Variants in KIAA1217 observed in about 807,000 individuals in gnomAD.
KIAA1217 encodes the protein KIAA1217.
Under a neutral mutation model 163.9 loss-of-function variants are expected in KIAA1217, and 88 were observed. That is an observed-to-expected ratio of 0.54 (90% CI 0.45 to 0.64). The LOEUF is 0.64. KIAA1217 is among the 30% of genes least tolerant of loss of function. KIAA1217 has a pLI of 0.00. For missense variants in KIAA1217, 2,372 were observed against 2,475.0 expected (o/e 0.96, Z 0.88); for synonymous variants, 903 against 923.1 (o/e 0.98, Z 0.39).
intron 2 of KIAA1217, among the ~76,000 whole-genome samples, chr10:24,021,769 A>C (rs1387549143): frequency 1.3e-5 from 2 of 151,866 alleles, no homozygotes; most frequent in Non-Finnish European, 2.9e-5. Context: ...AGACAGTGGA[A>C]CAGAATGAAC....
chr10:24,408,558 G>T (rs911142709), intron 3 of KIAA1217, among the ~76,000 whole-genome samples: 9 of 152,074 alleles, frequency 5.9e-5, no homozygotes, highest in Non-Finnish European at 7.4e-5. Flanking sequence ...ACAAGCCTTG[G>T]CTCATCCCCT....
chr10:23,902,746 G>A (rs1842007288), intron 1 of KIAA1217, among the ~76,000 whole-genome samples: 1 of 152,108 alleles, frequency 6.6e-6, no homozygotes, highest in African/African-American at 2.4e-5. Flanking sequence ...TAAGCAAGGA[G>A]AAAAGAAACG....
chr10:24,136,944 G>T (rs1260559434), intron 2 of KIAA1217, among the ~76,000 whole-genome samples: 1 of 152,156 alleles, frequency 6.6e-6, no homozygotes, highest in Non-Finnish European at 1.5e-5. Context: ...ACATTGAGAA[G>T]ATTTTTGTTT....
chr10:24,417,341 A>C (rs1436563097), intron 3 of KIAA1217, among the ~76,000 whole-genome samples: 1 of 152,074 alleles, frequency 6.6e-6, no homozygotes, highest in Admixed American at 6.6e-5. Context: ...AGATCTGGGG[A>C]ACAAAAAAGC....
In KIAA1217 at chr10:23,831,790, T is replaced by C. The variant is rs111691122; in HGVS notation, c.-321+136556T>C. On this transcript the variant is annotated intron_variant, in intron 1 of 18. Transcript: ENST00000376462. ...TACCTTTTGAGCTATCAACCTTAAA[T>C]AGTATACATTGCTTCCCTGATATGA... Among the ~76,000 whole-genome samples the C allele has an allele frequency of 5.2e-3, 792 of 152,298 alleles. 11 individuals carry two copies. The highest frequency in any genetic ancestry group is 0.017 in the African/African-American group (715 of 41,582).
At chr10:23,990,948 C>G (rs563473712) in intron 1 of KIAA1217, among the ~76,000 whole-genome samples, 1 of 152,030 alleles carries the variant, frequency 6.6e-6, no homozygotes, top group Non-Finnish European at 1.5e-5. Context: ...ATTTTATGAG[C>G]GAGGGAATTG....
At chr10:24,309,897 A>G (rs896453490) in intron 2 of KIAA1217, among the ~76,000 whole-genome samples, 1 of 152,138 alleles carries the variant, frequency 6.6e-6, no homozygotes, top group African/African-American at 2.4e-5. Flanking sequence ...GATATAACCT[A>G]TTGTCCTTAA....
At chr10:23,943,905 C>A (rs1589122398) in intron 1 of KIAA1217, among the ~76,000 whole-genome samples, 1 of 152,178 alleles carries the variant, frequency 6.6e-6, no homozygotes, top group East Asian at 1.9e-4. Flanking sequence ...AACTTTTCCA[C>A]CTACTTCATC....
intron 1 of KIAA1217, among the ~76,000 whole-genome samples, chr10:23,713,613 C>A (rs7077381): frequency 0.044 from 6,717 of 152,132 alleles, 222 homozygotes; most frequent in African/African-American, 0.08. Flanking sequence ...GGTTTAATTT[C>A]TTTGTGTCTT....
chr10:24,117,295 C>T lies in KIAA1217; in HGVS notation c.-170-102331C>T, dbSNP rs2063098163. ...CAGGTGATCCGCCCGCCTTGGCCTC[C>T]CAAAGTGCTGGGATTACAGCACTGT... On this transcript the variant is annotated intron_variant, in intron 2 of 18. Coordinates refer to the KIAA1217 transcript ENST00000376462. Among the ~76,000 whole-genome samples the T allele has an allele frequency of 2.6e-5, 4 of 152,124 alleles. No homozygotes were observed. In the South Asian group the frequency reaches 8.3e-4, roughly 31 times the overall value.
chr10:23,787,525 G>T (rs1278777903), intron 1 of KIAA1217, among the ~76,000 whole-genome samples: 1 of 152,060 alleles, frequency 6.6e-6, no homozygotes, highest in Non-Finnish European at 1.5e-5. Context: ...AGACCATTAA[G>T]GTAGAGTGCT....
intron 2 of KIAA1217, among the ~76,000 whole-genome samples, chr10:24,308,799 G>A (rs369728465): frequency 3.3e-5 from 5 of 152,012 alleles, no homozygotes; most frequent in African/African-American, 9.7e-5. Flanking sequence ...GCAATGACTG[G>A]CATAACGTAT....
Position 24,089,131 on chromosome 10 carries a change from C to T in KIAA1217, c.-171+81757C>T, listed in dbSNP as rs578197296. ...TCTGTTCATATCCTTCGCCCAGTTG[C>T]TGATGGGGTTGTTTGTTTTTTTCTT... On this transcript the variant is annotated intron_variant, in intron 2 of 18. Coordinates refer to the KIAA1217 transcript ENST00000376462. 4.2e-4 allele frequency among the ~76,000 whole-genome samples: 53 copies of T among 124,720 alleles called. 2 individuals carry two copies. The highest frequency in any genetic ancestry group is 1.3e-3 in the African/African-American group (51 of 39,938). The allele number at this position is 124,720 out of a possible 152,430, so 81.8% of individuals were successfully genotyped here. A position where few individuals can be genotyped will look rare whatever the true frequency, so the allele number is the denominator to read the frequency against.
intron 2 of KIAA1217, among the ~76,000 whole-genome samples, chr10:24,332,442 G>T (rs572255259): frequency 2.6e-5 from 4 of 152,282 alleles, no homozygotes; most frequent in African/African-American, 9.6e-5. Flanking sequence ...GAAAATTTGG[G>T]ATGGGTTGGG....
Position 24,391,125 on chromosome 10 carries a change from T to A in KIAA1217, c.553+10058T>A, listed in dbSNP as rs546686344. Among the ~76,000 whole-genome samples, 22 of 152,146 alleles carry A rather than the reference T, an allele frequency of 1.4e-4. No homozygotes were observed. In the East Asian group the frequency reaches 3.5e-3, roughly 24 times the overall value. On this transcript the variant is annotated intron_variant, in intron 3 of 20. Coordinates refer to ENST00000376454, the MANE Select transcript of KIAA1217 (RefSeq NM_019590.5). ...TATGCCTTTTACCAAAAAAAATATA[T>A]CTTCTAGGATTACTTTGCAGATGGG...
At chr10:24,387,435 A>G (rs927899618) in intron 3 of KIAA1217, among the ~76,000 whole-genome samples, 4 of 152,256 alleles carry the variant, frequency 2.6e-5, no homozygotes, top group Admixed American at 2.6e-4. Flanking sequence ...TGACAAACCC[A>G]CAGCCAATAT....
At chr10:23,905,493 G>A (rs984707748) in intron 1 of KIAA1217, among the ~76,000 whole-genome samples, 3 of 152,016 alleles carry the variant, frequency 2.0e-5, no homozygotes, top group Non-Finnish European at 4.4e-5. Context: ...TCAGTCATTC[G>A]CCCAAGGTCA....
chr10:23,892,595 T>C (rs950320800), intron 1 of KIAA1217, among the ~76,000 whole-genome samples: 1 of 151,926 alleles, frequency 6.6e-6, no homozygotes, highest in African/African-American at 2.4e-5. Flanking sequence ...TGGCATGCAT[T>C]AAGTATCAGC....
chr10:23,982,990 G>A (rs1199210117), intron 1 of KIAA1217, among the ~76,000 whole-genome samples: 1 of 152,014 alleles, frequency 6.6e-6, no homozygotes, highest in Non-Finnish European at 1.5e-5. Flanking sequence ...GCCTAGCCTT[G>A]ATCTCGGCTG....
Sources: gnomAD v4.1 joint callset for allele counts (sites outside exome capture counted in the v4.1 genomes callset) on GRCh38, gnomAD v4.1.1 for gene constraint, MANE v1.5 for transcripts, NCBI Gene and HGNC (gene_info 2026-07-23, HGNC 2026-07-21) for gene names.